The following WDPCP variants were observed in gnomAD, a reference collection of about 807,000 sequenced individuals.
WDPCP encodes WD repeat containing planar cell polarity effector.
In WDPCP, 71 loss-of-function variants were observed where a neutral mutation model predicts 93.1. That is an observed-to-expected ratio of 0.76 (90% confidence interval 0.63 to 0.93). WDPCP has a LOEUF of 0.93. WDPCP is among the 40% of genes least tolerant of loss of function. The pLI is 0.00. For missense variants in WDPCP, 844 were observed against 887.4 expected, an observed-to-expected ratio of 0.95 and a Z score of 0.62; for synonymous variants, 315 against 315.0, an observed-to-expected ratio of 1.00 and a Z score of 0.00.
At chr2:63,249,670 C>A (rs1680560387) in intron 14 of WDPCP, among the ~76,000 whole-genome samples, 1 of 152,116 alleles carries the variant, frequency 6.6e-6, no homozygotes. Context: ...TGAAATTTGG[C>A]TGTATGTCAC....
chr2:63,662,665 G>A (rs1295079435), intron 2 of WDPCP, among the ~76,000 whole-genome samples: 2 of 149,902 alleles, frequency 1.3e-5, no homozygotes, highest in Non-Finnish European at 3.0e-5. Flanking sequence ...GAGAGAGAGA[G>A]AGCTTATCTT....
intron 2 of WDPCP, among the ~76,000 whole-genome samples, chr2:63,786,683 T>C (rs1032752880): frequency 6.6e-6 from 1 of 152,180 alleles, no homozygotes; most frequent in Non-Finnish European, 1.5e-5. Context: ...AAATTGTGTT[T>C]CATCAAGTAA....
In WDPCP at chr2:63,575,456, ACAGTATATATG is replaced by A. The variant is rs149141116; in HGVS notation, c.75+12730_75+12740del. ...TATATACAGTGTATACACTGTATAT[ACAGTATATATG>A]CAGTATATACAGTGTATATATAGTA... On this transcript the variant is annotated intron_variant, in intron 1 of 17. Coordinates refer to ENST00000272321, the MANE Select transcript of WDPCP (RefSeq NM_015910.7). Among the ~76,000 whole-genome samples, 50 of 42,990 alleles carry A rather than the reference ACAGTATATATG, an allele frequency of 1.2e-3. 13 individuals are homozygous for A. The highest frequency in any genetic ancestry group is 6.0e-3 in the African/African-American group (42 of 6,954). 28.2% of individuals were successfully genotyped at this position (42,990 alleles called of 152,430 possible).
chr2:63,156,494 G>A (rs932953964), intron 15 of WDPCP, among the ~76,000 whole-genome samples: 1 of 152,094 alleles, frequency 6.6e-6, no homozygotes, highest in Non-Finnish European at 1.5e-5. Flanking sequence ...CCAGCACCTT[G>A]GGAGGCTGAG....
intron 6 of WDPCP, among the ~76,000 whole-genome samples, chr2:63,464,584 T>G (rs1699224616): frequency 6.6e-6 from 1 of 151,908 alleles, no homozygotes; most frequent in Admixed American, 6.6e-5. Context: ...ATTTGCACAC[T>G]CATCTTCATA....
intron 12 of WDPCP, among the ~76,000 whole-genome samples, chr2:63,325,996 A>T (rs180834410): frequency 2.0e-5 from 3 of 152,310 alleles, no homozygotes; most frequent in African/African-American, 7.2e-5. Context: ...GGTTGACCTC[A>T]CTGTTTACAG....
intron 1 of WDPCP, among the ~76,000 whole-genome samples, chr2:63,528,728 G>A (rs1335308594): frequency 1.3e-5 from 2 of 152,198 alleles, no homozygotes; most frequent in Admixed American, 6.5e-5. Context: ...GAACTTTAAA[G>A]TTGTTTTTCC....
At chr2:63,796,715 C>T (rs750899600) in intron 2 of WDPCP, among the ~76,000 whole-genome samples, 1 of 152,244 alleles carries the variant, frequency 6.6e-6, no homozygotes, top group African/African-American at 2.4e-5. Context: ...CGAGTTCTTA[C>T]TACCACAGGA....
At chr2:63,348,261 C>G (rs1162582807) in intron 12 of WDPCP, among the ~76,000 whole-genome samples, 2 of 152,166 alleles carry the variant, frequency 1.3e-5, no homozygotes, top group East Asian at 3.8e-4. Context: ...GGGATTCAAA[C>G]TTAGTTGTGT....
chr2:63,363,771 G>C (rs554786171), intron 12 of WDPCP, among the ~76,000 whole-genome samples: 53 of 152,072 alleles, frequency 3.5e-4, no homozygotes, highest in Non-Finnish European at 6.6e-4. Flanking sequence ...CTTTTAAACA[G>C]TATTCTGGAC....
chr2:63,515,431 T>G (rs1250666525), intron 1 of WDPCP, among the ~76,000 whole-genome samples: 1 of 152,196 alleles, frequency 6.6e-6, no homozygotes, highest in African/African-American at 2.4e-5. Flanking sequence ...CTATTAAAGA[T>G]GCTCAATAAA....
chr2:63,203,422 A>G (rs1041408055), intron 14 of WDPCP, among the ~76,000 whole-genome samples: 2 of 152,096 alleles, frequency 1.3e-5, no homozygotes, highest in African/African-American at 2.4e-5. Flanking sequence ...ATTTCTAACT[A>G]TCTTTTTTTG....
chr2:63,729,228 A>G (rs147176128), intron 2 of WDPCP, among the ~76,000 whole-genome samples: 14 of 152,348 alleles, frequency 9.2e-5, no homozygotes, highest in African/African-American at 2.6e-4. Context: ...TAGGATTCTG[A>G]TTATACATTA....
At chr2:63,734,291 A>G (rs1669606761) in intron 2 of WDPCP, among the ~76,000 whole-genome samples, 1 of 152,184 alleles carries the variant, frequency 6.6e-6, no homozygotes, top group South Asian at 2.1e-4. Flanking sequence ...AAGAATTTGT[A>G]TAAAAATTGG....
chr2:63,202,473 C>T lies in WDPCP; in HGVS notation c.1916-27641G>A, dbSNP rs578190345. Among the ~76,000 whole-genome samples the T allele has an allele frequency of 5.9e-5, 9 of 152,220 alleles. No individual in the cohort carries two copies. In the South Asian group the frequency reaches 1.9e-3, roughly 32 times the overall value. Reference sequence around the variant, plus strand: ...AGAGTTTACTACAGATCTAAAAGATCTACCTCATTGATTATGTTGTTTAGA... The same window carrying T: ...AGAGTTTACTACAGATCTAAAAGATTTACCTCATTGATTATGTTGTTTAGA... On this transcript the variant is annotated intron_variant, in intron 14 of 17. Transcript: ENST00000272321.
intron 14 of WDPCP, among the ~76,000 whole-genome samples, chr2:63,212,959 C>T (rs1305908150): frequency 6.6e-6 from 1 of 152,026 alleles, no homozygotes; most frequent in Non-Finnish European, 1.5e-5. Context: ...ACAGGAGCAC[C>T]CAGATTCATA....
chr2:63,301,261 C>A (rs1449274998), intron 13 of WDPCP, among the ~76,000 whole-genome samples: 1 of 152,164 alleles, frequency 6.6e-6, no homozygotes, highest in South Asian at 2.1e-4. Context: ...TCCTCCAAAG[C>A]CAAATTTTAG....
intron 10 of WDPCP, among the ~76,000 whole-genome samples, chr2:63,399,156 T>C: frequency 6.6e-6 from 1 of 152,200 alleles, no homozygotes; most frequent in Non-Finnish European, 1.5e-5. Flanking sequence ...CCCTATTCTA[T>C]AAAACTTAAG....
At chr2:63,487,964 C>T (rs140650547) in intron 2 of WDPCP, among the ~76,000 whole-genome samples, 11 of 152,044 alleles carry the variant, frequency 7.2e-5, no homozygotes, top group East Asian at 5.8e-4. Context: ...AATCCACAGA[C>T]GAGAAAGGGA....
Sources: gnomAD v4.1 joint callset for allele counts (sites outside exome capture counted in the v4.1 genomes callset) on GRCh38, gnomAD v4.1.1 for gene constraint, MANE v1.5 for transcripts, NCBI Gene and HGNC (gene_info 2026-07-23, HGNC 2026-07-21) for gene names.